AFF3: variants seen among roughly 807,000 people sequenced by gnomAD.
AFF3 encodes AF4/FMR2 family member 3.
AFF3 carries 32 observed loss-of-function variants against 129.7 expected under a neutral mutation model. That is an observed-to-expected ratio of 0.25 (90% CI 0.19 to 0.33). AFF3 has a LOEUF of 0.33. AFF3 is among the 10% of genes least tolerant of loss of function. The pLI, the probability that AFF3 is intolerant of heterozygous loss-of-function variation, is 1.00. For missense variants in AFF3, 1,373 were observed against 1,592.0 expected (o/e 0.86, Z 2.34); for synonymous variants, 644 against 635.4 (o/e 1.01, Z -0.20).
At chr2:99,905,329 A>AT (rs1694632586) in intron 7 of AFF3, among the ~76,000 whole-genome samples, 1 of 152,198 alleles carries the variant, frequency 6.6e-6, no homozygotes, top group African/African-American at 2.4e-5. Context: ...AAGAACTTGC[A>AT]TAAGAGCTAT....
chr2:99,565,521 A>G lies in AFF3; in HGVS notation c.3085T>C (p.Tyr1029His), dbSNP rs1675877213. ...TCTACTGTTTCTGAATACATCGTATAAGGAGATTTGGATTCCATGGGGCCT... is the reference window on the plus strand; with the variant it reads ...TCTACTGTTTCTGAATACATCGTATGAGGAGATTTGGATTCCATGGGGCCT... ...EQGPMESKSP[Y>H]TMYSETVELI... Residue 1029 changes from tyrosine (Y) to histidine (H), a missense_variant, in exon 20 of 25, where the codon TAT becomes CAT. Physicochemically the swap from Tyr to His is moderately conservative, Grantham distance 83. Coordinates refer to ENST00000672756, the MANE Select transcript of AFF3 (RefSeq NM_001386135.1). 1 of 1,614,116 alleles carries G rather than the reference A, an allele frequency of 6.2e-7. No individual in the cohort carries two copies. Among genetic ancestry groups the G allele is most frequent in the African/African-American group, 1.3e-5 (1 of 74,940 alleles).
At chr2:99,929,507 T>C (rs1355593029) in intron 7 of AFF3, among the ~76,000 whole-genome samples, 2 of 152,252 alleles carry the variant, frequency 1.3e-5, no homozygotes, top group African/African-American at 2.4e-5. Flanking sequence ...TTTAATTTTA[T>C]GTTGATGTGC....
chr2:99,569,054 C>T, intron 18 of AFF3, 139 bp from the exon 19 acceptor site: 1 of 743,118 alleles, frequency 1.3e-6, no homozygotes, highest in Non-Finnish European at 2.3e-6. Context: ...TTTTGCCTTT[C>T]CAAACTACTG....
intron 19 of AFF3, among the ~76,000 whole-genome samples, chr2:99,566,707 C>A (rs919789864): frequency 6.6e-6 from 1 of 152,222 alleles, no homozygotes; most frequent in African/African-American, 2.4e-5. Context: ...CCATACCTTA[C>A]TACTCTTTGT....
intron 4 of AFF3, among the ~76,000 whole-genome samples, chr2:100,040,584 A>C (rs1410854071): frequency 9.2e-5 from 14 of 152,124 alleles, no homozygotes; most frequent in Admixed American, 9.2e-4. Flanking sequence ...CCCTGATGAG[A>C]GCAGGATGTT....
chr2:100,041,707 T>C (rs1420355673), intron 4 of AFF3, among the ~76,000 whole-genome samples: 1 of 152,202 alleles, frequency 6.6e-6, no homozygotes, highest in Non-Finnish European at 1.5e-5. Flanking sequence ...TAGATAAAAC[T>C]GCATGTATCT....
At chr2:100,065,379 C>T (rs1211844183) in intron 4 of AFF3, among the ~76,000 whole-genome samples, 1 of 152,090 alleles carries the variant, frequency 6.6e-6, no homozygotes, top group Non-Finnish European at 1.5e-5. Context: ...TAAAGTTAAT[C>T]AAATTCAGTT....
intron 7 of AFF3, among the ~76,000 whole-genome samples, chr2:99,979,980 A>G (rs1279040000): frequency 1.3e-5 from 2 of 152,036 alleles, no homozygotes; most frequent in Non-Finnish European, 2.9e-5. Context: ...CTCACTCTCT[A>G]TGGTTTTCAG....
chr2:100,002,308 A>G (rs1681497764), intron 7 of AFF3, among the ~76,000 whole-genome samples: 1 of 152,246 alleles, frequency 6.6e-6, no homozygotes, highest in African/African-American at 2.4e-5. Flanking sequence ...CAAGAGTGAC[A>G]GGAAATAGGA....
At chr2:99,647,457 G>A (rs1246860646) in intron 13 of AFF3, among the ~76,000 whole-genome samples, 1 of 152,114 alleles carries the variant, frequency 6.6e-6, no homozygotes, top group Non-Finnish European at 1.5e-5. Flanking sequence ...GACCCATGAC[G>A]GGGAAACACA....
intron 7 of AFF3, among the ~76,000 whole-genome samples, chr2:99,950,455 G>A (rs772826514): frequency 5.9e-5 from 9 of 152,102 alleles, no homozygotes; most frequent in Admixed American, 2.0e-4. Flanking sequence ...CTGGTGAAAG[G>A]CATATAAAGT....
intron 13 of AFF3, among the ~76,000 whole-genome samples, chr2:99,613,553 T>C (rs1012402489): frequency 6.6e-6 from 1 of 152,192 alleles, no homozygotes; most frequent in Non-Finnish European, 1.5e-5. Context: ...GTATCTATTA[T>C]ATTACTTCTT....
chr2:99,558,821 G>A, intron 22 of AFF3, 54 bp downstream of exon 22: 2 of 1,557,898 alleles, frequency 1.3e-6, no homozygotes, highest in South Asian at 2.2e-5. Context: ...TCACAAATTT[G>A]ACAGGGAGAC....
chr2:99,867,752 C>A (rs1041412565), intron 7 of AFF3, among the ~76,000 whole-genome samples: 4 of 152,118 alleles, frequency 2.6e-5, no homozygotes, highest in Non-Finnish European at 4.4e-5. Context: ...GAGGGGCTCA[C>A]CATCTCTTCC....
chr2:100,106,823 A>G (rs1176245245), intron 2 of AFF3: 1 of 985,416 alleles, frequency 1.0e-6, no homozygotes, highest in African/African-American at 1.7e-5. Context: ...TCAGATACAG[A>G]TTTGCCCTCA....
chr2:99,858,972 CTG>C (rs1690759091), intron 7 of AFF3, among the ~76,000 whole-genome samples: 4 of 152,204 alleles, frequency 2.6e-5, no homozygotes, highest in Non-Finnish European at 5.9e-5. Flanking sequence ...TCAGTAATAG[CTG>C]ACCGATACAC....
At chr2:99,969,997 C>A (rs1284001717) in intron 7 of AFF3, among the ~76,000 whole-genome samples, 6 of 152,196 alleles carry the variant, frequency 3.9e-5, no homozygotes, top group African/African-American at 1.4e-4. Flanking sequence ...CATAGCAGTT[C>A]TCTGTGCTGC....
At chr2:100,117,509 C>T (rs1691778325) in intron 2 of AFF3, among the ~76,000 whole-genome samples, 1 of 152,150 alleles carries the variant, frequency 6.6e-6, no homozygotes, top group Admixed American at 6.5e-5. Context: ...TAGGCCTCTG[C>T]CAAATTCTCA....
chr2:100,097,787 TA>T lies in AFF3; in HGVS notation c.53+6614del, dbSNP rs1165768048. Reference sequence around the variant, plus strand: ...GAAACATAAAAGATTATGTAATGGTTAATAGATCTACATATGTGAGTAGTAC... The same window carrying T: ...GAAACATAAAAGATTATGTAATGGTTATAGATCTACATATGTGAGTAGTAC... On this transcript the variant is annotated intron_variant, in intron 4 of 24. Transcript: ENST00000672756. Among the ~76,000 whole-genome samples, 6 of 131,012 alleles carry T rather than the reference TA, an allele frequency of 4.6e-5. No homozygotes were observed. In the East Asian group the frequency reaches 1.4e-3, roughly 30 times the overall value. 85.9% of individuals were successfully genotyped at this position (131,012 alleles called of 152,430 possible).
Sources: gnomAD v4.1 joint callset for allele counts (sites outside exome capture counted in the v4.1 genomes callset) on GRCh38, gnomAD v4.1.1 for gene constraint, MANE v1.5 for transcripts, NCBI Gene and HGNC (gene_info 2026-07-23, HGNC 2026-07-21) for gene names.